USP44: variants seen among roughly 807,000 people sequenced by gnomAD.
USP44 encodes the protein ubiquitin specific peptidase 44.
A neutral mutation model predicts 69.0 loss-of-function variants in USP44; 61 were observed. The ratio of observed to expected loss-of-function variants is 0.88; its 90% CI spans 0.72 to 1.09. The LOEUF (loss-of-function observed/expected upper bound fraction) is 1.09, where lower values mean the gene tolerates loss of function less well. Ranked by LOEUF, USP44 falls within the 50% of genes least tolerant of loss-of-function variation. USP44 has a pLI of 0.00. For synonymous variants in USP44, 297 were observed against 295.4 expected (o/e 1.01, Z -0.06); for missense variants, 753 against 849.9 (o/e 0.89, Z 1.42).
intron 1 of USP44, among the ~76,000 whole-genome samples, chr12:95,537,287 C>A (rs979549078): frequency 7.9e-5 from 12 of 152,086 alleles, no homozygotes; most frequent in African/African-American, 2.7e-4. Flanking sequence ...TTTAGTTAAA[C>A]ATGTTTCTGG....
intron 1 of USP44, among the ~76,000 whole-genome samples, chr12:95,540,306 T>C (rs1235623686): frequency 6.6e-6 from 1 of 151,932 alleles, no homozygotes; most frequent in Non-Finnish European, 1.5e-5. Context: ...AGGCTAGAAA[T>C]CTTAAGGATT....
intron 2 of USP44, among the ~76,000 whole-genome samples, chr12:95,531,273 A>G (rs1043435045): frequency 6.6e-6 from 1 of 152,178 alleles, no homozygotes; most frequent in Non-Finnish European, 1.5e-5. Flanking sequence ...GAAAAGAATG[A>G]TGAAATATTT....
intron 1 of USP44, among the ~76,000 whole-genome samples, chr12:95,549,556 C>A (rs1279298017): frequency 6.6e-6 from 1 of 152,120 alleles, no homozygotes; most frequent in Non-Finnish European, 1.5e-5. Flanking sequence ...TTTAACTGAA[C>A]CTATACTCAA....
At chr12:95,528,661 T>TTA in intron 3 of USP44, 146 bp downstream of exon 3, 1 of 773,144 alleles carries the variant, frequency 1.3e-6, no homozygotes, top group Non-Finnish European at 2.0e-6. Context: ...TAAATGCCAA[T>TTA]TATAAAGTGA....
At chr12:95,530,660 T>TAGAC (rs1181710193) in intron 2 of USP44, among the ~76,000 whole-genome samples, 1 of 126,740 alleles carries the variant, frequency 7.9e-6, no homozygotes, top group Non-Finnish European at 1.9e-5. Context: ...GATAGATAGA[T>TAGAC]AGATAGATAG....
intron 2 of USP44, among the ~76,000 whole-genome samples, chr12:95,532,100 G>A (rs1396481255): frequency 6.6e-6 from 1 of 151,450 alleles, no homozygotes; most frequent in Non-Finnish European, 1.5e-5. Context: ...TTTATAGGAA[G>A]TCCTCCAGGG....
intron 5 of USP44, among the ~76,000 whole-genome samples, chr12:95,519,440 T>C (rs1329509026): frequency 7.5e-6 from 1 of 133,658 alleles, no homozygotes; most frequent in Admixed American, 7.5e-5. Context: ...GTATTTTTTT[T>C]TTTTTTTTTT....
chr12:95,520,358 G>A (rs1174783143), intron 5 of USP44, among the ~76,000 whole-genome samples: 1 of 149,870 alleles, frequency 6.7e-6, no homozygotes, highest in Non-Finnish European at 1.5e-5. Context: ...CAGGCATGGT[G>A]GCATGTGCCT....
intron 2 of USP44, among the ~76,000 whole-genome samples, chr12:95,530,690 G>C (rs2076991128): frequency 6.8e-6 from 1 of 148,018 alleles, no homozygotes; most frequent in African/African-American, 2.5e-5. Context: ...TAGATAGATA[G>C]ATATAAAAGA....
At chr12:95,518,577 C>G (rs1412546308) in intron 5 of USP44, among the ~76,000 whole-genome samples, 1 of 152,204 alleles carries the variant, frequency 6.6e-6, no homozygotes, top group Non-Finnish European at 1.5e-5. Context: ...GTACCTGACA[C>G]TATTTATTCT....
In USP44 at chr12:95,521,191, C is replaced by A. The variant is rs147928880; in HGVS notation, c.1745G>T (p.Arg582Leu). The A allele has an allele frequency of 6.2e-7, 1 of 1,614,026 alleles. No homozygotes were observed. Among genetic ancestry groups the A allele is most frequent in the Non-Finnish European group, 8.5e-7 (1 of 1,180,036 alleles). The stretch of plus-strand genomic sequence containing the variant: ...AACACCAATCTTCTCTCGGTTATTA[C>A]GTCCTGACCACCTGTGAACAAACCA... ...LHLKRFRWSG[R>L]NNREKIGVHV... Residue 582 changes from arginine to leucine, a missense_variant, in exon 5 of 6, where the codon CGT becomes CTT. Physicochemically the swap from Arg to Leu is moderately radical, Grantham distance 102. Coordinates refer to ENST00000258499, the MANE Select transcript of USP44 (RefSeq NM_032147.5).
At chr12:95,520,560 A>G (rs760583347) in intron 5 of USP44, among the ~76,000 whole-genome samples, 12 of 152,192 alleles carry the variant, frequency 7.9e-5, no homozygotes, top group Non-Finnish European at 1.5e-4. Context: ...CTAGAACTAG[A>G]CTATCCTAGA....
At chr12:95,547,562 A>G (rs1224943157) in intron 1 of USP44, among the ~76,000 whole-genome samples, 1 of 152,196 alleles carries the variant, frequency 6.6e-6, no homozygotes, top group African/African-American at 2.4e-5. Context: ...GGCTTTCCGC[A>G]TTTCACCACA....
intron 1 of USP44, among the ~76,000 whole-genome samples, chr12:95,547,337 C>T (rs1391629082): frequency 6.6e-6 from 1 of 152,084 alleles, no homozygotes; most frequent in Non-Finnish European, 1.5e-5. Flanking sequence ...ATATGCAAAA[C>T]TAATGGCTAC....
rs1484712108 is a variant in USP44 at position 95,532,862 on chromosome 12, T to G, written c.1395A>C (p.Val465=). Residue 465 remains valine (V), a synonymous_variant, in exon 2 of 6, where the codon GTA becomes GTC. Transcript: ENST00000258499. ...RKLIKQVLNV[V]NNIFHGQLLS... is the part of the protein sequence containing the mutation. The stretch of plus-strand genomic sequence containing the variant: ...GAAGTTGTCCATGAAAAATGTTATT[T>G]ACAACATTCAGAACTTGTTTGATGA... 10 of 1,591,674 alleles carry G rather than the reference T, an allele frequency of 6.3e-6. No individual in the cohort carries two copies. Among genetic ancestry groups the G allele is most frequent in the Non-Finnish European group, 8.5e-6 (10 of 1,172,020 alleles).
chr12:95,540,353 T>TC (rs1432627298), intron 1 of USP44, among the ~76,000 whole-genome samples: 1 of 151,596 alleles, frequency 6.6e-6, no homozygotes, highest in Non-Finnish European at 1.5e-5. Context: ...TTTTTTTTTT[T>TC]TTTTTTTGAG....
intron 1 of USP44, among the ~76,000 whole-genome samples, chr12:95,536,612 A>G (rs2077213450): frequency 6.6e-6 from 1 of 152,022 alleles, no homozygotes; most frequent in East Asian, 1.9e-4. Flanking sequence ...TCCAAAATAT[A>G]CTGAGAATCT....
rs749410762 is a variant in USP44, at chr12:95,528,984, C to T, written c.1447G>A (p.Asp483Asn). The change falls in exon 3 of 6, where the codon GAC becomes AAC. Residue 483 changes from aspartate (D) to asparagine (N), a missense_variant. Coordinates refer to ENST00000258499, the MANE Select transcript of USP44 (RefSeq NM_032147.5). ...GGTTCTATGGTATTTGATTTGTTGTCACATGCAAGACATGTAACCTGCAAA... is the reference window on the plus strand; with the variant it reads ...GGTTCTATGGTATTTGATTTGTTGTTACATGCAAGACATGTAACCTGCAAA... ...LLSQVTCLAC[D>N]NKSNTIEPFW... 6.2e-7 allele frequency: 1 copy of T among 1,611,958 alleles called. No individual in the cohort carries two copies. The highest frequency in any genetic ancestry group is 8.5e-7 in the Non-Finnish European group (1 of 1,179,130).
chr12:95,535,047 G>A (rs1210562195), intron 1 of USP44, among the ~76,000 whole-genome samples: 1 of 152,148 alleles, frequency 6.6e-6, no homozygotes, highest in Non-Finnish European at 1.5e-5. Context: ...AACATTATGA[G>A]CCTTATGTGG....
Sources: allele counts gnomAD v4.1 joint callset (sites outside exome capture counted in the v4.1 genomes callset), GRCh38; gene constraint gnomAD v4.1.1; transcripts MANE v1.5; gene names NCBI Gene and HGNC (gene_info 2026-07-23, HGNC 2026-07-21).